E2F3: variants seen among roughly 807,000 people sequenced by gnomAD.
E2F3 encodes E2F transcription factor 3, also known as transcription factor E2F3.
In E2F3, 11 loss-of-function variants were observed where a neutral mutation model predicts 44.4. The observed-to-expected ratio is 0.25, with a 90% confidence interval of 0.16 to 0.41. The LOEUF is 0.41. E2F3 is among the 10% of genes least tolerant of loss of function. The pLI, the probability that E2F3 is intolerant of heterozygous loss-of-function variation, is 1.00. For synonymous variants in E2F3, 249 were observed against 253.0 expected (o/e 0.98, Z 0.15); for missense variants, 487 against 583.6 (o/e 0.83, Z 1.70).
At chr6:20,479,980 C>T (rs757770412) in intron 2 of E2F3, 23 bp downstream of exon 2, 6 of 1,577,778 alleles carry the variant, frequency 3.8e-6, no homozygotes, top group Non-Finnish European at 5.2e-6. Flanking sequence ...TCATCTCTTT[C>T]CTTATTCTCC....
intron 1 of E2F3, among the ~76,000 whole-genome samples, chr6:20,414,317 C>T (rs550749493): frequency 3.9e-5 from 6 of 152,284 alleles, no homozygotes; most frequent in African/African-American, 7.2e-5. Flanking sequence ...TGCTTTACCC[C>T]GTCTCCTAGC....
At chr6:20,477,399 TG>T (rs1415038168) in intron 1 of E2F3, among the ~76,000 whole-genome samples, 1 of 152,182 alleles carries the variant, frequency 6.6e-6, no homozygotes, top group African/African-American at 2.4e-5. Context: ...AAGTTTGGAA[TG>T]AATGAAAGTG....
intron 1 of E2F3, among the ~76,000 whole-genome samples, chr6:20,429,145 C>T (rs1036108851): frequency 1.3e-5 from 2 of 152,178 alleles, no homozygotes; most frequent in Non-Finnish European, 2.9e-5. Flanking sequence ...CCCAAAATGT[C>T]ACTAGTGCCA....
chr6:20,472,628 C>T (rs1240743623), intron 1 of E2F3, among the ~76,000 whole-genome samples: 1 of 151,974 alleles, frequency 6.6e-6, no homozygotes, highest in Non-Finnish European at 1.5e-5. Context: ...ATCACACCAC[C>T]GCCCTCCAGC....
chr6:20,481,414 C>T lies in E2F3; in HGVS notation c.714C>T (p.Asn238=), dbSNP rs763278356. The T allele has an allele frequency of 3.5e-5, 57 of 1,613,922 alleles. No homozygotes were observed. Among genetic ancestry groups the T allele is most frequent in the Non-Finnish European group, 4.5e-5 (53 of 1,180,010 alleles). ...IHLIKKKSKN[N]VQWMGCSLSE... ...TCATTAAGAAGAAGTCTAAAAACAA[C>T]GTCCAATGGATGTGAGTAGGAGTCC... Residue 238 remains asparagine, a synonymous_variant, in exon 3 of 7, where the codon AAC becomes AAT. Coordinates refer to ENST00000346618, the MANE Select transcript of E2F3 (RefSeq NM_001949.5).
chr6:20,474,411 C>G (rs1761983790), intron 1 of E2F3, among the ~76,000 whole-genome samples: 2 of 152,308 alleles, frequency 1.3e-5, no homozygotes, highest in South Asian at 4.1e-4. Context: ...TGGAGTTCCA[C>G]ACAGAATCTC....
At chr6:20,488,949 C>T (rs765972880) in intron 6 of E2F3, among the ~76,000 whole-genome samples, 2 of 152,022 alleles carry the variant, frequency 1.3e-5, no homozygotes, top group African/African-American at 2.4e-5. Flanking sequence ...AGCCGAGATC[C>T]GCCACTGCAC....
chr6:20,433,053 CTT>C (rs1760459331), intron 1 of E2F3, among the ~76,000 whole-genome samples: 1 of 152,184 alleles, frequency 6.6e-6, no homozygotes, highest in Non-Finnish European at 1.5e-5. Flanking sequence ...CAGTTAGACT[CTT>C]TTGTTTGCCT....
intron 1 of E2F3, among the ~76,000 whole-genome samples, chr6:20,446,431 C>T (rs905827891): frequency 2.0e-5 from 3 of 152,218 alleles, no homozygotes; most frequent in African/African-American, 7.2e-5. Flanking sequence ...GGAGTGCCTA[C>T]ACGGCACATA....
At chr6:20,403,230 G>T (rs1759370250) in intron 1 of E2F3, among the ~76,000 whole-genome samples, 1 of 152,082 alleles carries the variant, frequency 6.6e-6, no homozygotes, top group South Asian at 2.1e-4. Flanking sequence ...CGGGCGTGGG[G>T]GAGGTGGGGC....
intron 1 of E2F3, among the ~76,000 whole-genome samples, chr6:20,479,128 A>C (rs1333346890): frequency 6.6e-6 from 1 of 152,224 alleles, no homozygotes; most frequent in Admixed American, 6.5e-5. Context: ...AAATGGAGAA[A>C]GTAATAGTGG....
At chr6:20,486,275 A>G (rs4134958) in intron 4 of E2F3, among the ~76,000 whole-genome samples, 93,536 of 151,980 alleles carry the variant, frequency 0.62, 28,848 homozygotes, top group Middle Eastern at 0.8. Context: ...AAGGGGAGAC[A>G]TACACATACT....
intron 1 of E2F3, among the ~76,000 whole-genome samples, chr6:20,407,447 A>G (rs1759529136): frequency 6.6e-6 from 1 of 152,206 alleles, no homozygotes; most frequent in Admixed American, 6.5e-5. Flanking sequence ...TACTTGGAAG[A>G]ATGGATTCTG....
chr6:20,428,169 G>A lies in E2F3; in HGVS notation c.393+25544G>A, dbSNP rs932083695. The stretch of plus-strand genomic sequence containing the variant: ...TGGAGTTTAAAATCTCACCAGCTGC[G>A]GGAACTCAGGCAGTCATTTCTCTTT... On this transcript the variant is annotated intron_variant, in intron 1 of 6. Coordinates refer to ENST00000346618, the MANE Select transcript of E2F3 (RefSeq NM_001949.5). 4.6e-5 allele frequency among the ~76,000 whole-genome samples: 7 copies of A among 152,136 alleles called. No individual in the cohort carries two copies. In the East Asian group the frequency reaches 5.8e-4, roughly 13 times the overall value.
At chr6:20,410,887 G>A (rs1331956827) in intron 1 of E2F3, among the ~76,000 whole-genome samples, 1 of 152,194 alleles carries the variant, frequency 6.6e-6, no homozygotes, top group Non-Finnish European at 1.5e-5. Flanking sequence ...CTCACAACGT[G>A]CTGGGATTGT....
At chr6:20,452,021 T>C (rs1191566638) in intron 1 of E2F3, among the ~76,000 whole-genome samples, 2 of 152,182 alleles carry the variant, frequency 1.3e-5, no homozygotes, top group Non-Finnish European at 2.9e-5. Context: ...TATTTTTTCA[T>C]TGTGTCTCTG....
chr6:20,470,726 ATTT>A (rs1398857526), intron 1 of E2F3, among the ~76,000 whole-genome samples: 6 of 152,142 alleles, frequency 3.9e-5, no homozygotes, highest in Non-Finnish European at 8.8e-5. Flanking sequence ...AAGGGAGTTT[ATTT>A]TAGCATTCAC....
chr6:20,472,025 A>AACACACACACACACACAC (rs57925127), intron 1 of E2F3, among the ~76,000 whole-genome samples: 3 of 138,444 alleles, frequency 2.2e-5, no homozygotes, highest in South Asian at 4.9e-4. Flanking sequence ...CCCCCCCTCC[A>AACACACACACACACACAC]ACACACACAC....
In E2F3 at chr6:20,488,264, T is replaced by C; in HGVS notation, c.1135+16T>C. On this transcript the variant is annotated intron_variant, in intron 6 of 6. Transcript: ENST00000346618. The stretch of plus-strand genomic sequence containing the variant: ...GCTTCCAAAGGTAAAAACTCCACTT[T>C]TGTCTTTTAGAAACTATGTTAAAAA... The C allele has an allele frequency of 6.4e-7, 1 of 1,572,354 alleles. No individual in the cohort carries two copies. The highest frequency in any genetic ancestry group is 8.6e-7 in the Non-Finnish European group (1 of 1,166,740).
Sources: gnomAD v4.1 joint callset for allele counts (sites outside exome capture counted in the v4.1 genomes callset) on GRCh38, gnomAD v4.1.1 for gene constraint, MANE v1.5 for transcripts, NCBI Gene and HGNC (gene_info 2026-07-23, HGNC 2026-07-21) for gene names.